CSMD3: variants seen among roughly 807,000 people sequenced by gnomAD.
The protein encoded by CSMD3 is CUB and sushi domain-containing protein 3.
In CSMD3, 177 loss-of-function variants were observed where a neutral mutation model predicts 435.2. The ratio of observed to expected loss-of-function variants is 0.41; its 90% confidence interval spans 0.36 to 0.46. CSMD3 has a LOEUF of 0.46. Among genes scored for constraint, CSMD3 ranks in the 20% least tolerant of loss-of-function variants. The pLI, the probability that CSMD3 is intolerant of heterozygous loss-of-function variation, is 0.34. For synonymous variants in CSMD3, 1,656 were observed against 1,520.5 expected (o/e 1.09, Z -2.07); for missense variants, 4,265 against 4,504.6 (o/e 0.95, Z 1.52).
At chr8:112,741,432 A>G (rs1367623688) in intron 13 of CSMD3, among the ~76,000 whole-genome samples, 1 of 151,924 alleles carries the variant, frequency 6.6e-6, no homozygotes, top group Non-Finnish European at 1.5e-5. Context: ...AATTATAAAA[A>G]CAAAAGAAAA....
At chr8:113,096,376 T>A (rs963726413) in intron 5 of CSMD3, among the ~76,000 whole-genome samples, 6 of 152,268 alleles carry the variant, frequency 3.9e-5, no homozygotes, top group Non-Finnish European at 8.8e-5. Flanking sequence ...ATTCTTTTCT[T>A]TCTCCAACTT....
At chr8:112,755,188 G>C (rs563198240) in intron 13 of CSMD3, among the ~76,000 whole-genome samples, 1 of 151,790 alleles carries the variant, frequency 6.6e-6, no homozygotes, top group Admixed American at 6.6e-5. Flanking sequence ...AAAATTAGCC[G>C]GGCGTGGTGG....
chr8:112,613,401 A>T (rs1272360605), intron 22 of CSMD3, among the ~76,000 whole-genome samples: 1 of 152,198 alleles, frequency 6.6e-6, no homozygotes, highest in Non-Finnish European at 1.5e-5. Flanking sequence ...TTTATTTTAT[A>T]TTAATTTAAA....
intron 3 of CSMD3, among the ~76,000 whole-genome samples, chr8:113,269,379 A>T (rs1190929872): frequency 6.6e-6 from 1 of 152,194 alleles, no homozygotes; most frequent in Non-Finnish European, 1.5e-5. Context: ...CAATGGCCAT[A>T]CTGCCCAAGG....
At chr8:113,255,062 T>G (rs1476388510) in intron 3 of CSMD3, among the ~76,000 whole-genome samples, 3 of 152,186 alleles carry the variant, frequency 2.0e-5, no homozygotes, top group Admixed American at 1.3e-4. Context: ...CATTTCTTAT[T>G]TCTCAATTCA....
intron 3 of CSMD3, among the ~76,000 whole-genome samples, chr8:113,277,622 T>C (rs1350447083): frequency 6.6e-6 from 1 of 152,000 alleles, no homozygotes; most frequent in East Asian, 1.9e-4. Flanking sequence ...TAGAAATTAA[T>C]TGCCCTTGCT....
At chr8:112,342,949 T>C (rs923761173) in intron 41 of CSMD3, among the ~76,000 whole-genome samples, 5 of 119,562 alleles carry the variant, frequency 4.2e-5, no homozygotes, top group African/African-American at 1.4e-4. Flanking sequence ...TGAACATATG[T>C]TTCTTTACCT....
chr8:113,299,258 T>C (rs1025208496), intron 2 of CSMD3, among the ~76,000 whole-genome samples: 1 of 152,234 alleles, frequency 6.6e-6, no homozygotes, highest in African/African-American at 2.4e-5. Context: ...GAATATTTAA[T>C]AATTTGTAAA....
At chr8:113,420,050 C>T (rs72673232) in intron 1 of CSMD3, among the ~76,000 whole-genome samples, 3,834 of 152,082 alleles carry the variant, frequency 0.025, 68 homozygotes, top group Non-Finnish European at 0.036. Context: ...AATTGAAGAT[C>T]TCAAATAATA....
At chr8:112,507,948 TTA>T (rs1273253428) in intron 28 of CSMD3, among the ~76,000 whole-genome samples, 7 of 152,156 alleles carry the variant, frequency 4.6e-5, no homozygotes, top group Non-Finnish European at 1.5e-5. Context: ...TTCCTGTCGC[TTA>T]TATGTTTTTG....
At chr8:113,376,840 C>T (rs375333625) in intron 1 of CSMD3, 7 of 1,613,112 alleles carry the variant, frequency 4.3e-6, no homozygotes, top group South Asian at 3.3e-5. Context: ...TCGCAACAAC[C>T]GGCCACCTCT....
chr8:113,273,391 T>A (rs2093545432), intron 3 of CSMD3, among the ~76,000 whole-genome samples: 1 of 152,198 alleles, frequency 6.6e-6, no homozygotes, highest in East Asian at 1.9e-4. Context: ...TTACCATTGA[T>A]AACCAAGATC....
intron 5 of CSMD3, among the ~76,000 whole-genome samples, chr8:113,019,487 A>C (rs1290320816): frequency 6.7e-6 from 1 of 150,218 alleles, no homozygotes; most frequent in Non-Finnish European, 1.5e-5. Context: ...GTATTGTTTT[A>C]TTAGTATTAT....
intron 11 of CSMD3, among the ~76,000 whole-genome samples, chr8:112,840,095 G>A (rs1226354548): frequency 2.0e-5 from 3 of 151,692 alleles, no homozygotes; most frequent in Non-Finnish European, 3.0e-5. Flanking sequence ...AACTTAGGCA[G>A]GAGTCCAGGA....
intron 1 of CSMD3, among the ~76,000 whole-genome samples, chr8:113,394,763 T>A (rs1321528055): frequency 2.0e-5 from 3 of 152,126 alleles, no homozygotes; most frequent in Non-Finnish European, 2.9e-5. Context: ...ACATAGACTC[T>A]GCATTCAAGA....
intron 32 of CSMD3, among the ~76,000 whole-genome samples, chr8:112,432,440 A>G (rs1340976338): frequency 6.6e-6 from 1 of 152,096 alleles, no homozygotes; most frequent in African/African-American, 2.4e-5. Context: ...AGTGACTGAG[A>G]CCACAGGTGT....
chr8:112,310,968 T>C lies in CSMD3; in HGVS notation c.7885+10A>G. The C allele has an allele frequency of 3.1e-6, 5 of 1,612,572 alleles. No homozygotes were observed. The highest frequency in any genetic ancestry group is 4.2e-6 in the Non-Finnish European group (5 of 1,178,580). The stretch of plus-strand genomic sequence containing the variant: ...CATGTTTTTGTTCATTTTGGCATAA[T>C]ATACTTCACCTTGACAGGCAGGGAC... On this transcript the variant is annotated intron_variant, in intron 50 of 70. Transcript: ENST00000297405.
intron 13 of CSMD3, among the ~76,000 whole-genome samples, chr8:112,710,805 G>A (rs1001107643): frequency 6.6e-6 from 1 of 150,736 alleles, no homozygotes; most frequent in Non-Finnish European, 1.5e-5. Flanking sequence ...ATAAGCATAA[G>A]TTCCCATAAG....
At chr8:112,907,545 GAAATT>G (rs1260205527) in intron 10 of CSMD3, among the ~76,000 whole-genome samples, 1 of 150,924 alleles carries the variant, frequency 6.6e-6, no homozygotes, top group African/African-American at 2.4e-5. Flanking sequence ...CTACAGAAAA[GAAATT>G]AAAGAAAAAT....
Sources: allele counts gnomAD v4.1 joint callset (sites outside exome capture counted in the v4.1 genomes callset), GRCh38; gene constraint gnomAD v4.1.1; transcripts MANE v1.5; gene names NCBI Gene and HGNC (gene_info 2026-07-23, HGNC 2026-07-21).